The following NFATC1 variants were observed in gnomAD, a reference collection of about 807,000 sequenced individuals.
The protein encoded by NFATC1 is nuclear factor of activated T cells 1, also known as nuclear factor of activated T-cells, cytoplasmic 1.
A neutral mutation model predicts 76.0 loss-of-function variants in NFATC1; 22 were observed. The observed-to-expected ratio is 0.29, with a 90% CI of 0.21 to 0.41. The LOEUF is 0.41. Ranked by LOEUF, NFATC1 falls within the 10% of genes least tolerant of loss-of-function variation. The probability of loss-of-function intolerance (pLI) is 1.00; values close to 1 mark genes in which losing one functional copy is unlikely to be tolerated. For missense variants in NFATC1, 1,357 were observed against 1,337.7 expected (o/e 1.01, Z -0.23); for synonymous variants, 704 against 613.1 (o/e 1.15, Z -2.19).
At chr18:79,447,015 C>T (rs1000699565) in intron 3 of NFATC1, among the ~76,000 whole-genome samples, 1 of 152,256 alleles carries the variant, frequency 6.6e-6, no homozygotes, top group African/African-American at 2.4e-5. Context: ...CACGGTCAGG[C>T]CCTCAGTGAC....
chr18:79,523,727 G>C (rs2090675084), intron 9 of NFATC1, among the ~76,000 whole-genome samples: 1 of 152,204 alleles, frequency 6.6e-6, no homozygotes, highest in African/African-American at 2.4e-5. Context: ...CTGCAGCCAG[G>C]ATTCAAAACG....
chr18:79,407,069 C>T (rs1008894815), intron 1 of NFATC1, among the ~76,000 whole-genome samples: 1 of 152,274 alleles, frequency 6.6e-6, no homozygotes, highest in Non-Finnish European at 1.5e-5. Context: ...TACAGTTTGC[C>T]TGGCCCAGAG....
chr18:79,519,953 C>T (rs554130275), intron 9 of NFATC1, among the ~76,000 whole-genome samples: 28 of 152,280 alleles, frequency 1.8e-4, no homozygotes, highest in Middle Eastern at 3.4e-3. Flanking sequence ...AAGTCCTGGA[C>T]GGGCGAGATA....
chr18:79,436,542 C>G (rs1214603673), intron 3 of NFATC1, among the ~76,000 whole-genome samples: 1 of 152,176 alleles, frequency 6.6e-6, no homozygotes, highest in Non-Finnish European at 1.5e-5. Context: ...ACCCGGCGTC[C>G]GCGTCCTCCC....
chr18:79,457,258 G>C (rs564034846), intron 6 of NFATC1, among the ~76,000 whole-genome samples: 2 of 152,288 alleles, frequency 1.3e-5, no homozygotes, highest in East Asian at 3.9e-4. Context: ...ACACCTGCCC[G>C]TGTCTTCCTC....
chr18:79,486,345 C>T lies in NFATC1; in HGVS notation c.2190C>T (p.Tyr730=), dbSNP rs2089493674. Residue 730 remains tyrosine (Y), a synonymous_variant, in exon 9 of 10, where the codon TAC becomes TAT. Transcript: ENST00000427363. Reference sequence around the variant, plus strand: ...TAAGTCCTCTCCCAAGACCATACTACAGCCAGCAGCTCGCGATGCCACCCG... The same window carrying T: ...TAAGTCCTCTCCCAAGACCATACTATAGCCAGCAGCTCGCGATGCCACCCG... ...QGLSPLPRPY[Y]SQQLAMPPDP... 1 of 1,613,052 alleles carries T rather than the reference C, an allele frequency of 6.2e-7. No homozygotes were observed. The highest frequency in any genetic ancestry group is 1.3e-5 in the African/African-American group (1 of 74,916).
chr18:79,495,771 G>A (rs991300851), intron 9 of NFATC1, among the ~76,000 whole-genome samples: 1 of 152,150 alleles, frequency 6.6e-6, no homozygotes, highest in African/African-American at 2.4e-5. Context: ...AGGCGTTCGC[G>A]AGTCATTGTA....
chr18:79,426,710 G>A (rs73969242), intron 2 of NFATC1, among the ~76,000 whole-genome samples: 4,516 of 152,354 alleles, frequency 0.03, 210 homozygotes, highest in African/African-American at 0.1. Flanking sequence ...GTGTTGCTGC[G>A]GGTGTGGAGG....
intron 2 of NFATC1, among the ~76,000 whole-genome samples, chr18:79,424,858 T>A (rs1370662744): frequency 1.4e-5 from 2 of 140,260 alleles, no homozygotes; most frequent in Non-Finnish European, 3.3e-5. Flanking sequence ...TCTCTGTCTC[T>A]CTCTGTCTCT....
intron 9 of NFATC1, among the ~76,000 whole-genome samples, chr18:79,490,107 C>T (rs391628): frequency 1.3e-5 from 2 of 152,078 alleles, no homozygotes; most frequent in African/African-American, 2.4e-5. Context: ...CCCCCGCCCC[C>T]CCGTGGGCAG....
intron 9 of NFATC1, among the ~76,000 whole-genome samples, chr18:79,495,537 T>G (rs561580101): frequency 1.3e-5 from 2 of 152,078 alleles, no homozygotes; most frequent in Admixed American, 1.3e-4. Flanking sequence ...GAGAGAGACA[T>G]AGGGACGAGG....
intron 9 of NFATC1, among the ~76,000 whole-genome samples, chr18:79,515,338 CAAAAAAAAAA>C (rs75194540): frequency 3.1e-5 from 2 of 63,494 alleles, no homozygotes; most frequent in Non-Finnish European, 6.9e-5. Context: ...GACTCCATCT[CAAAAAAAAAA>C]AAAAAAAAAA....
At position 79,521,112 on chromosome 18, in the gene NFATC1, T is replaced by G. The variant is rs199521334; in HGVS notation, c.2783-6416T>G. On this transcript the variant is annotated intron_variant, in intron 9 of 9. Coordinates refer to ENST00000427363, the MANE Select transcript of NFATC1 (RefSeq NM_001278669.2). ...GCTGATGTGTGTGTCTGTGTGTGTG[T>G]GGGGGGCGTCTGCTGATGTGTGTGT... is the stretch of plus-strand genomic sequence containing the variant. Among the ~76,000 whole-genome samples, 354 of 50,272 alleles carry G rather than the reference T, an allele frequency of 7.0e-3. 2 individuals carry two copies. The highest frequency in any genetic ancestry group is 0.026 in the East Asian group (38 of 1,450). 33.0% of individuals were successfully genotyped at this position (50,272 alleles called of 152,430 possible).
At chr18:79,522,375 T>G (rs1311880630) in intron 9 of NFATC1, among the ~76,000 whole-genome samples, 10 of 27,486 alleles carry the variant, frequency 3.6e-4, no homozygotes, top group African/African-American at 1.6e-3. Context: ...TCTCTGTGTG[T>G]GTGGGGGGGG....
chr18:79,475,802 G>A (rs665500), intron 8 of NFATC1, among the ~76,000 whole-genome samples: 2,451 of 152,328 alleles, frequency 0.016, 27 homozygotes, highest in Non-Finnish European at 0.025. Context: ...CCAGCAAGAC[G>A]CCAGGCATCC....
intron 8 of NFATC1, among the ~76,000 whole-genome samples, chr18:79,480,218 A>G (rs1394642260): frequency 6.6e-6 from 1 of 152,154 alleles, no homozygotes; most frequent in Non-Finnish European, 1.5e-5. Flanking sequence ...CTCTGGGCGG[A>G]AGAGAAGCAG....
At chr18:79,523,532 G>T (rs1193411925) in intron 9 of NFATC1, among the ~76,000 whole-genome samples, 1 of 152,256 alleles carries the variant, frequency 6.6e-6, no homozygotes. Flanking sequence ...GAGAGCTTGC[G>T]TGGCCCCAGC....
intron 9 of NFATC1, among the ~76,000 whole-genome samples, chr18:79,522,545 GGGTGTCTGCT>G (rs989037529): frequency 6.7e-6 from 1 of 149,564 alleles, no homozygotes; most frequent in Non-Finnish European, 1.5e-5. Flanking sequence ...TGTCTGTGGG[GGGTGTCTGCT>G]GATGTGTGTG....
chr18:79,474,518 CGT>C (rs1219437698), intron 8 of NFATC1, among the ~76,000 whole-genome samples: 1 of 147,932 alleles, frequency 6.8e-6, no homozygotes, highest in Non-Finnish European at 1.5e-5. Context: ...GCAAGGGAAG[CGT>C]GTTCTCACAC....
Sources: gnomAD v4.1 joint callset for allele counts (sites outside exome capture counted in the v4.1 genomes callset) on GRCh38, gnomAD v4.1.1 for gene constraint, MANE v1.5 for transcripts, NCBI Gene and HGNC (gene_info 2026-07-23, HGNC 2026-07-21) for gene names.